Variants in STK32B observed in about 807,000 individuals in gnomAD.
The protein encoded by STK32B is serine/threonine-protein kinase 32B.
A neutral mutation model predicts 52.6 loss-of-function variants in STK32B; 43 were observed. The ratio of observed to expected loss-of-function variants is 0.82; its 90% CI spans 0.64 to 1.05. STK32B has a LOEUF of 1.05. STK32B is among the 50% of genes least tolerant of loss of function. The probability of loss-of-function intolerance (pLI) is 0.00; values close to 1 mark genes in which losing one functional copy is unlikely to be tolerated. For missense variants in STK32B, 621 were observed against 534.6 expected (o/e 1.16, Z -1.59); for synonymous variants, 238 against 204.3 (o/e 1.17, Z -1.41).
In STK32B at chr4:5,474,322, C is replaced by T. The variant is rs117372897; in HGVS notation, c.1106+6252C>T. Reference sequence around the variant, plus strand: ...GGGCCTGGGTCAAGTCTTGGTCTTGCTGCTCATGGTGCTGTGACCCCAGTG... The same window carrying T: ...GGGCCTGGGTCAAGTCTTGGTCTTGTTGCTCATGGTGCTGTGACCCCAGTG... On this transcript the variant is annotated intron_variant, in intron 11 of 11. Transcript: ENST00000282908. Among the ~76,000 whole-genome samples, 157 of 152,308 alleles carry T rather than the reference C, an allele frequency of 1.0e-3. No homozygotes were observed. In the East Asian group the frequency reaches 0.024, roughly 23 times the overall value.
chr4:5,135,633 C>T (rs1005334970), intron 1 of STK32B, among the ~76,000 whole-genome samples: 1 of 152,100 alleles, frequency 6.6e-6, no homozygotes, highest in South Asian at 2.1e-4. Flanking sequence ...TTCAGAGGCT[C>T]ACAGGAAGGA....
At chr4:5,114,196 A>G (rs1714583275) in intron 1 of STK32B, among the ~76,000 whole-genome samples, 1 of 151,358 alleles carries the variant, frequency 6.6e-6, no homozygotes, top group African/African-American at 2.4e-5. Flanking sequence ...TTCCCATCTC[A>G]GTGTCTTTGA....
intron 4 of STK32B, among the ~76,000 whole-genome samples, chr4:5,338,849 A>C (rs116236700): frequency 2.3e-3 from 343 of 152,338 alleles, no homozygotes; most frequent in Admixed American, 5.6e-3. Context: ...TGTGATGATT[A>C]ATTTTCTGTG....
intron 3 of STK32B, among the ~76,000 whole-genome samples, chr4:5,307,431 T>C (rs1729994592): frequency 6.6e-6 from 1 of 152,192 alleles, no homozygotes; most frequent in Non-Finnish European, 1.5e-5. Flanking sequence ...GTTCTATTTC[T>C]GAGACTTTCC....
intron 3 of STK32B, among the ~76,000 whole-genome samples, chr4:5,259,533 A>G (rs751024659): frequency 5.3e-5 from 8 of 152,232 alleles, no homozygotes; most frequent in Non-Finnish European, 1.0e-4. Context: ...TTTATAAAGC[A>G]GAGAGAATAA....
At chr4:5,326,606 CA>C (rs1406843811) in intron 3 of STK32B, among the ~76,000 whole-genome samples, 1 of 152,146 alleles carries the variant, frequency 6.6e-6, no homozygotes, top group Non-Finnish European at 1.5e-5. Flanking sequence ...ATTCAGTGTG[CA>C]ACAGCATTAT....
chr4:5,461,922 G>C (rs777680359), intron 9 of STK32B, among the ~76,000 whole-genome samples: 1 of 152,178 alleles, frequency 6.6e-6, no homozygotes, highest in Non-Finnish European at 1.5e-5. Context: ...TGGCTCTTCA[G>C]ACACCCCTCG....
chr4:5,455,046 A>G (rs1424083573), intron 7 of STK32B, among the ~76,000 whole-genome samples: 1 of 152,150 alleles, frequency 6.6e-6, no homozygotes, highest in Admixed American at 6.5e-5. Flanking sequence ...CAATTAACAG[A>G]TAAGAGAGAA....
At chr4:5,366,353 CAAG>C (rs1378373426) in intron 4 of STK32B, among the ~76,000 whole-genome samples, 1 of 152,170 alleles carries the variant, frequency 6.6e-6, no homozygotes, top group African/African-American at 2.4e-5. Context: ...AAGGGTTTGA[CAAG>C]GAGGAAAAAT....
At chr4:5,461,008 C>G (rs1224920330) in intron 9 of STK32B, among the ~76,000 whole-genome samples, 1 of 152,138 alleles carries the variant, frequency 6.6e-6, no homozygotes, top group African/African-American at 2.4e-5. Context: ...CCTGGGTCCT[C>G]CAGGACAGAC....
At chr4:5,299,042 G>A (rs1212403864) in intron 3 of STK32B, among the ~76,000 whole-genome samples, 2 of 151,966 alleles carry the variant, frequency 1.3e-5, no homozygotes, top group East Asian at 2.0e-4. Context: ...CCCTTGGCTA[G>A]GGGAGGGAGT....
At chr4:5,305,089 A>C (rs1181535160) in intron 3 of STK32B, among the ~76,000 whole-genome samples, 1 of 151,878 alleles carries the variant, frequency 6.6e-6, no homozygotes, top group African/African-American at 2.4e-5. Flanking sequence ...ATTCCCTTAG[A>C]TAATATTTTG....
chr4:5,163,598 T>A (rs1718631176), intron 2 of STK32B, among the ~76,000 whole-genome samples: 1 of 146,138 alleles, frequency 6.8e-6, no homozygotes, highest in African/African-American at 2.5e-5. Flanking sequence ...GAGAGAGAGA[T>A]GTTGGAGGGG....
At chr4:5,270,250 C>G (rs1727336781) in intron 3 of STK32B, among the ~76,000 whole-genome samples, 1 of 152,150 alleles carries the variant, frequency 6.6e-6, no homozygotes, top group Non-Finnish European at 1.5e-5. Context: ...CATCTGCAAG[C>G]TGAGGAGCAG....
At chr4:5,326,112 C>T (rs1423663558) in intron 3 of STK32B, among the ~76,000 whole-genome samples, 3 of 152,146 alleles carry the variant, frequency 2.0e-5, no homozygotes, top group African/African-American at 7.2e-5. Context: ...ATTCATGTTG[C>T]TCCTCCAAAG....
intron 3 of STK32B, among the ~76,000 whole-genome samples, chr4:5,259,587 A>G (rs1213357096): frequency 6.6e-6 from 1 of 152,238 alleles, no homozygotes; most frequent in Non-Finnish European, 1.5e-5. Flanking sequence ...ATGAGTTAAC[A>G]TTTATGAAGC....
intron 1 of STK32B, among the ~76,000 whole-genome samples, chr4:5,100,339 C>CCCTTCCTT (rs1195098362): frequency 7.5e-6 from 1 of 134,136 alleles, no homozygotes; most frequent in African/African-American, 2.7e-5. Flanking sequence ...CTCCCTCCCT[C>CCCTTCCTT]CCTTCCTTCC....
intron 1 of STK32B, among the ~76,000 whole-genome samples, chr4:5,107,791 T>C (rs1260825529): frequency 6.6e-6 from 1 of 152,206 alleles, no homozygotes; most frequent in African/African-American, 2.4e-5. Flanking sequence ...TCCAGTGTTA[T>C]CCAATGAGTT....
At chr4:5,420,191 G>A (rs542498641) in intron 6 of STK32B, among the ~76,000 whole-genome samples, 7 of 152,198 alleles carry the variant, frequency 4.6e-5, no homozygotes, top group Non-Finnish European at 8.8e-5. Context: ...AAGCTCTGAA[G>A]TACATCTCAA....
Sources: allele counts gnomAD v4.1 joint callset (sites outside exome capture counted in the v4.1 genomes callset), GRCh38; gene constraint gnomAD v4.1.1; transcripts MANE v1.5; gene names NCBI Gene and HGNC (gene_info 2026-07-23, HGNC 2026-07-21).